The following CYFIP1 variants were observed in gnomAD, a reference collection of about 807,000 sequenced individuals.
The protein encoded by CYFIP1 is cytoplasmic FMR1-interacting protein 1.
CYFIP1 carries 58 observed loss-of-function variants against 163.5 expected under a neutral mutation model. The observed-to-expected ratio is 0.35, with a 90% CI of 0.29 to 0.44. The LOEUF (loss-of-function observed/expected upper bound fraction) is 0.44. Among genes scored for constraint, CYFIP1 ranks in the 20% least tolerant of loss-of-function variants. The probability of loss-of-function intolerance (pLI) is 1.00; values close to 1 mark genes in which losing one functional copy is unlikely to be tolerated. For missense variants in CYFIP1, 1,338 were observed against 1,653.8 expected (o/e 0.81, Z 3.31); for synonymous variants, 663 against 660.7 (o/e 1.00, Z -0.05).
At chr15:22,979,750 C>T (rs78282823) in intron 1 of CYFIP1, among the ~76,000 whole-genome samples, 3 of 152,186 alleles carry the variant, frequency 2.0e-5, no homozygotes, top group East Asian at 1.9e-4. Flanking sequence ...GCCCAAAACT[C>T]CTCTCTCCAA....
intron 1 of CYFIP1, among the ~76,000 whole-genome samples, chr15:22,951,807 G>A (rs1216443252): frequency 6.6e-6 from 1 of 152,180 alleles, no homozygotes; most frequent in African/African-American, 2.4e-5. Flanking sequence ...GGGGAGGGGC[G>A]CCACAGACAG....
At chr15:22,877,831 G>A (rs144646004) in intron 26 of CYFIP1, among the ~76,000 whole-genome samples, 1 of 152,366 alleles carries the variant, frequency 6.6e-6, no homozygotes, top group East Asian at 1.9e-4. Flanking sequence ...GGCATAGAGG[G>A]AGCCGAAGAT....
intron 18 of CYFIP1, 66 bp from the exon 19 acceptor site, chr15:22,910,879 A>C: frequency 7.1e-7 from 1 of 1,414,384 alleles, no homozygotes; most frequent in African/African-American, 1.4e-5. Flanking sequence ...ACAAGGTGAA[A>C]AACAAAATGT....
intron 22 of CYFIP1, among the ~76,000 whole-genome samples, chr15:22,899,699 T>A (rs977413474): frequency 2.0e-5 from 3 of 152,140 alleles, no homozygotes; most frequent in African/African-American, 7.2e-5. Flanking sequence ...ATCGGCAGTG[T>A]GAAAATGGAC....
Position 22,910,747 on chromosome 15 carries a change from T to C in CYFIP1, c.2149A>G (p.Met717Val). Residue 717 changes from methionine to valine, a missense_variant, in exon 19 of 31, where the codon ATG (methionine) becomes GTG (valine). Physicochemically the swap from Met to Val is conservative, Grantham distance 21. This residue lies in a region of CYFIP1 where 824 missense variants were observed against 995.7 expected (regional missense o/e 0.83). Transcript: ENST00000617928. The stretch of plus-strand genomic sequence containing the variant: ...ACACCAGATACTCACCTTCCTGCCA[T>C]AACCTTATAATAGGCAAATATCTGG... ...ADQIFAYYKVMAGSLLLDKRL... is the reference protein window; with the variant it reads ...ADQIFAYYKVVAGSLLLDKRL... 1 of 1,613,572 alleles carries C rather than the reference T, an allele frequency of 6.2e-7. No homozygotes were observed. The highest frequency in any genetic ancestry group is 8.5e-7 in the Non-Finnish European group (1 of 1,179,470).
chr15:22,883,546 G>A (rs987769813), intron 23 of CYFIP1, among the ~76,000 whole-genome samples: 3 of 152,094 alleles, frequency 2.0e-5, no homozygotes, highest in East Asian at 1.9e-4. Context: ...GGCCAGGCGC[G>A]GCGACTCACA....
chr15:22,876,020 C>G (rs1179543565), intron 26 of CYFIP1, among the ~76,000 whole-genome samples: 2 of 151,190 alleles, frequency 1.3e-5, no homozygotes, highest in Non-Finnish European at 2.9e-5. Context: ...CTTAGGCCAC[C>G]AGGAAGGGCC....
chr15:22,952,209 A>T (rs549166224), intron 1 of CYFIP1, among the ~76,000 whole-genome samples: 1 of 152,212 alleles, frequency 6.6e-6, no homozygotes, highest in South Asian at 2.1e-4. Flanking sequence ...AAAGGAGAAC[A>T]GTGGTGACAG....
In CYFIP1 at chr15:22,870,109, C is replaced by T; in HGVS notation, c.3681G>A (p.Lys1227=). The change falls in exon 31 of 31, where the codon AAG becomes AAA. Residue 1227 remains lysine (K), a synonymous_variant. Transcript: ENST00000617928. ...EIITILDKYL[K]SGDGEGTPVE... ...CTGGCGTGCCCTCCCCGTCGCCTGACTTCAGGTACTTATCCAGGATGGTGA... is the reference window on the plus strand; with the variant it reads ...CTGGCGTGCCCTCCCCGTCGCCTGATTTCAGGTACTTATCCAGGATGGTGA... The T allele has an allele frequency of 6.2e-7, 1 of 1,613,254 alleles. No individual in the cohort carries two copies. Among genetic ancestry groups the T allele is most frequent in the Non-Finnish European group, 8.5e-7 (1 of 1,179,714 alleles).
rs2059575964 is a variant in CYFIP1 at position 22,875,962 on chromosome 15, G to A, written c.3043-691C>T. ...ACCCCAAATCCACCAAGAACCCAAA[G>A]ATGGTCAAAAATTGAGCAACTGCTG... On this transcript the variant is annotated intron_variant, in intron 26 of 30. Coordinates refer to ENST00000617928, the MANE Select transcript of CYFIP1 (RefSeq NM_014608.6). Among the ~76,000 whole-genome samples the A allele has an allele frequency of 3.3e-5, 5 of 149,284 alleles. No individual in the cohort carries two copies. The South Asian group carries it at 1.1e-3, about 32-fold the overall frequency.
intron 6 of CYFIP1, among the ~76,000 whole-genome samples, chr15:22,941,010 C>G (rs1434553020): frequency 1.3e-5 from 2 of 152,158 alleles, no homozygotes; most frequent in Non-Finnish European, 2.9e-5. Context: ...CCACCGCACT[C>G]CAGCCTGGGC....
In CYFIP1 at chr15:22,929,631, C is replaced by CAAAAAAAAAAAAA. The variant is rs35408380; in HGVS notation, c.1111-1616_1111-1604dup. Among the ~76,000 whole-genome samples, 6 of 42,254 alleles carry CAAAAAAAAAAAAA rather than the reference C, an allele frequency of 1.4e-4. 1 individual carries two copies. The highest frequency in any genetic ancestry group is 6.7e-4 in the African/African-American group (6 of 8,914). The allele number at this position is 42,254 out of a possible 152,430, so 27.7% of individuals were successfully genotyped here. A position where few individuals can be genotyped will look rare whatever the true frequency, so the allele number is the denominator to read the frequency against. Reference sequence around the variant, plus strand: ...TGGGCAACAGAGAGAGACTCTGTCTCAAAAAAAAAAAAAAAAAAAAAAGGC... The same window carrying CAAAAAAAAAAAAA: ...TGGGCAACAGAGAGAGACTCTGTCTCAAAAAAAAAAAAAAAAAAAAAAAAAAAAAAAAAAAGGC... On this transcript the variant is annotated intron_variant, in intron 11 of 30. Coordinates refer to ENST00000617928, the MANE Select transcript of CYFIP1 (RefSeq NM_014608.6).
In CYFIP1 at chr15:22,916,535, C is replaced by T; in HGVS notation, c.1770G>A (p.Leu590=). Residue 590 remains leucine (L), a synonymous_variant, in exon 16 of 31, where the codon TTG becomes TTA. Transcript: ENST00000617928. ...LRSSLEGPTI[L]DIEKFHRESF... ...ACTCTCGATGAAATTTTTCTATGTC[C>T]AATATGGTGGGCCCCTCAAGGCTAC... 5 of 1,614,054 alleles carry T rather than the reference C, an allele frequency of 3.1e-6. No homozygotes were observed. Among genetic ancestry groups the T allele is most frequent in the Non-Finnish European group, 4.2e-6 (5 of 1,180,006 alleles).
chr15:22,979,009 A>AAC (rs895299744), intron 1 of CYFIP1, among the ~76,000 whole-genome samples: 47 of 152,306 alleles, frequency 3.1e-4, no homozygotes, highest in African/African-American at 1.1e-3. Flanking sequence ...AATAAATTTA[A>AAC]ACACACACAC....
At chr15:22,924,157 C>T (rs1230721524) in intron 13 of CYFIP1, among the ~76,000 whole-genome samples, 1 of 152,124 alleles carries the variant, frequency 6.6e-6, no homozygotes, top group East Asian at 1.9e-4. Context: ...GGCACGGTAG[C>T]TCACGCCTGT....
At chr15:22,944,076 T>C (rs1302883545) in intron 5 of CYFIP1, among the ~76,000 whole-genome samples, 1 of 151,510 alleles carries the variant, frequency 6.6e-6, no homozygotes, top group Non-Finnish European at 1.5e-5. Flanking sequence ...CTGTCTCCAC[T>C]AAAAATACAA....
At chr15:22,921,763 T>G (rs1441894075) in intron 13 of CYFIP1, among the ~76,000 whole-genome samples, 1 of 53,228 alleles carries the variant, frequency 1.9e-5, no homozygotes, top group Non-Finnish European at 3.3e-5. Flanking sequence ...AGACTCTGTC[T>G]CAAAAAAAAA....
intron 4 of CYFIP1, 57 bp from the exon 5 acceptor site, chr15:22,944,716 G>A (rs972373110): frequency 1.9e-5 from 29 of 1,543,470 alleles, no homozygotes; most frequent in Middle Eastern, 1.7e-4. Context: ...AGAAGCAGCC[G>A]CTGGGCTTCT....
chr15:22,881,138 C>G (rs1203059076), intron 25 of CYFIP1, among the ~76,000 whole-genome samples: 1 of 152,150 alleles, frequency 6.6e-6, no homozygotes, highest in Non-Finnish European at 1.5e-5. Flanking sequence ...AGCAAAAAGT[C>G]CTGAGCCACG....
Sources: allele counts gnomAD v4.1 joint callset (sites outside exome capture counted in the v4.1 genomes callset), GRCh38; gene constraint gnomAD v4.1.1; regional missense constraint gnomAD v4.1.1; transcripts MANE v1.5; gene names NCBI Gene and HGNC (gene_info 2026-07-23, HGNC 2026-07-21).